ME1: variants seen among roughly 807,000 people sequenced by gnomAD.
ME1 encodes the protein malic enzyme 1, also known as NADP-dependent malic enzyme.
ME1 carries 74 observed loss-of-function variants against 66.4 expected under a neutral mutation model. The ratio of observed to expected loss-of-function variants is 1.11; its 90% CI spans 0.92 to 1.35. The LOEUF (loss-of-function observed/expected upper bound fraction) is 1.35. Ranked by LOEUF, ME1 falls within the 40% of genes most tolerant of loss-of-function variation. The pLI is 0.00. For missense variants in ME1, 750 were observed against 694.1 expected, an observed-to-expected ratio of 1.08 and a Z score of -0.90; for synonymous variants, 251 against 235.6, an observed-to-expected ratio of 1.07 and a Z score of -0.60.
At chr6:83,428,666 T>C (rs1770419232) in intron 1 of ME1, among the ~76,000 whole-genome samples, 1 of 152,148 alleles carries the variant, frequency 6.6e-6, no homozygotes, top group South Asian at 2.1e-4. Context: ...GAAAGTCCCA[T>C]AGCTGTAGTT....
intron 5 of ME1, among the ~76,000 whole-genome samples, chr6:83,319,225 G>A (rs1165866777): frequency 1.3e-5 from 2 of 151,364 alleles, no homozygotes; most frequent in Non-Finnish European, 2.9e-5. Context: ...AGTGGGTGCA[G>A]CGCACCAGCA....
intron 3 of ME1, among the ~76,000 whole-genome samples, chr6:83,363,449 T>C (rs1227495646): frequency 6.6e-6 from 1 of 152,204 alleles, no homozygotes; most frequent in Non-Finnish European, 1.5e-5. Flanking sequence ...AGAGATCCAT[T>C]AGGGCTTGTC....
chr6:83,227,254 G>A, intron 11 of ME1, 81 bp downstream of exon 11: 1 of 970,566 alleles, frequency 1.0e-6, no homozygotes. Flanking sequence ...AACTTAAACA[G>A]TAAGCACCTT....
Position 83,235,763 on chromosome 6 carries a change from C to T in ME1, c.1026+1954G>A, listed in dbSNP as rs78312789. On this transcript the variant is annotated intron_variant, in intron 9 of 13. Coordinates refer to ENST00000369705, the MANE Select transcript of ME1 (RefSeq NM_002395.6). ...CTGGGATTATAGGCGTGAGCCACCA[C>T]GCACAGCCAGCAATAGCAATTTTTA... 1.4e-4 allele frequency among the ~76,000 whole-genome samples: 22 copies of T among 152,250 alleles called. No individual in the cohort carries two copies. The East Asian group carries it at 2.7e-3, about 19-fold the overall frequency.
intron 6 of ME1, among the ~76,000 whole-genome samples, chr6:83,256,896 A>G (rs919332399): frequency 2.0e-5 from 3 of 152,188 alleles, no homozygotes; most frequent in Non-Finnish European, 4.4e-5. Context: ...TTGCAAGGAC[A>G]TGGATGAAGC....
intron 3 of ME1, among the ~76,000 whole-genome samples, chr6:83,356,923 T>C (rs1449924503): frequency 1.3e-5 from 2 of 152,214 alleles, no homozygotes; most frequent in Non-Finnish European, 2.9e-5. Flanking sequence ...TCACCAGTTG[T>C]TCCAATATTG....
At chr6:83,352,624 A>C (rs942901263) in intron 3 of ME1, among the ~76,000 whole-genome samples, 7 of 152,156 alleles carry the variant, frequency 4.6e-5, no homozygotes, top group Admixed American at 1.3e-4. Context: ...AATGCTGAGT[A>C]GTTCTTTCAT....
At chr6:83,253,565 T>C (rs1790757849) in intron 7 of ME1, 64 bp downstream of exon 7, 3 of 827,528 alleles carry the variant, frequency 3.6e-6, no homozygotes, top group Admixed American at 3.7e-5. Flanking sequence ...ATTTGAATCA[T>C]TATTACAATT....
intron 1 of ME1, among the ~76,000 whole-genome samples, chr6:83,423,570 A>T (rs183144793): frequency 6.6e-6 from 1 of 152,218 alleles, no homozygotes; most frequent in Admixed American, 6.5e-5. Flanking sequence ...AGGCTGAGGT[A>T]GGCAGACACC....
In ME1 at chr6:83,398,468, AT is replaced by A; in HGVS notation, c.260del (p.Tyr87LeufsTer4). On this transcript the variant is annotated frameshift_variant, in exon 3 of 14. Coordinates refer to ENST00000369705, the MANE Select transcript of ME1 (RefSeq NM_002395.6). LOFTEE classifies it high-confidence loss of function. The stretch of plus-strand genomic sequence containing the variant: ...TCTCAATGTCAGATGTCAGCACTCT[AT>A]AAAAGAGTTTTTCATTTCTATCTTG... ...DLQDRNEKLFYRVLTSDIEKF... is the reference protein window; with the variant it reads ...DLQDRNEKLFXRVLTSDIEKF... 6.3e-7 allele frequency: 1 copy of A among 1,584,368 alleles called. No individual in the cohort carries two copies. Among genetic ancestry groups the A allele is most frequent in the South Asian group, 1.1e-5 (1 of 87,420 alleles).
In ME1 at chr6:83,291,938, C is replaced by T. The variant is rs1047537133; in HGVS notation, c.704+23372G>A. 3.3e-5 allele frequency among the ~76,000 whole-genome samples: 5 copies of T among 151,894 alleles called. 1 individual carries two copies. The highest frequency in any genetic ancestry group is 4.1e-4 in the South Asian group (2 of 4,822). ...GCTATTGAAGCTTGTGTTTGCTTCGCGAAGTTCTTGTAGTGTGCTTTCCAG... is the reference window on the plus strand; with the variant it reads ...GCTATTGAAGCTTGTGTTTGCTTCGTGAAGTTCTTGTAGTGTGCTTTCCAG... On this transcript the variant is annotated intron_variant, in intron 6 of 13. Transcript: ENST00000369705.
At chr6:83,299,103 AT>A (rs1207433916) in intron 6 of ME1, among the ~76,000 whole-genome samples, 1 of 151,674 alleles carries the variant, frequency 6.6e-6, no homozygotes, top group African/African-American at 2.4e-5. Flanking sequence ...TTTCACACGA[AT>A]TTTAAAGTAG....
chr6:83,425,737 T>G (rs1392152938), intron 1 of ME1, among the ~76,000 whole-genome samples: 1 of 152,252 alleles, frequency 6.6e-6, no homozygotes, highest in Non-Finnish European at 1.5e-5. Context: ...GCCGATGTTC[T>G]TACTCAACCA....
At chr6:83,397,650 T>G (rs937173531) in intron 3 of ME1, among the ~76,000 whole-genome samples, 1 of 152,146 alleles carries the variant, frequency 6.6e-6, no homozygotes, top group Non-Finnish European at 1.5e-5. Context: ...ATGAAATCAG[T>G]ATGTCTAGGA....
At chr6:83,241,034 G>A (rs868735038) in intron 7 of ME1, among the ~76,000 whole-genome samples, 15 of 152,186 alleles carry the variant, frequency 9.9e-5, no homozygotes, top group African/African-American at 3.6e-4. Context: ...TACTTAAGGT[G>A]AAAATCTATG....
At chr6:83,378,849 T>C (rs1769342688) in intron 3 of ME1, among the ~76,000 whole-genome samples, 1 of 152,080 alleles carries the variant, frequency 6.6e-6, no homozygotes, top group Non-Finnish European at 1.5e-5. Flanking sequence ...TAGTCATTAG[T>C]GGTTTTCTCT....
At chr6:83,235,913 T>C (rs1186594423) in intron 9 of ME1, among the ~76,000 whole-genome samples, 2 of 152,026 alleles carry the variant, frequency 1.3e-5, no homozygotes, top group African/African-American at 4.8e-5. Flanking sequence ...AAAACAAATA[T>C]TTTTCTAGCT....
chr6:83,293,305 T>C (rs1364943229), intron 6 of ME1, among the ~76,000 whole-genome samples: 2 of 152,188 alleles, frequency 1.3e-5, no homozygotes, highest in African/African-American at 2.4e-5. Context: ...CATTTTTAAA[T>C]GTACAGTTCA....
intron 1 of ME1, among the ~76,000 whole-genome samples, chr6:83,422,352 T>C (rs1770284742): frequency 6.6e-6 from 1 of 152,196 alleles, no homozygotes; most frequent in South Asian, 2.1e-4. Flanking sequence ...CTAACCAGGT[T>C]GAGTGACCAC....
Sources: allele counts gnomAD v4.1 joint callset (sites outside exome capture counted in the v4.1 genomes callset), GRCh38; gene constraint gnomAD v4.1.1; transcripts MANE v1.5; gene names NCBI Gene and HGNC (gene_info 2026-07-23, HGNC 2026-07-21).